The following ROBO1 variants were observed in gnomAD, a reference collection of about 807,000 sequenced individuals.
ROBO1 encodes the protein roundabout guidance receptor 1.
Under a neutral mutation model 195.9 loss-of-function variants are expected in ROBO1, and 149 were observed. The observed-to-expected ratio is 0.76, with a 90% confidence interval of 0.67 to 0.87. The LOEUF (loss-of-function observed/expected upper bound fraction) is 0.87. ROBO1 is among the 40% of genes least tolerant of loss of function. The pLI is 0.00. For synonymous variants in ROBO1, 816 were observed against 733.2 expected, an observed-to-expected ratio of 1.11 and a Z score of -1.82; for missense variants, 1,933 against 2,068.3, an observed-to-expected ratio of 0.93 and a Z score of 1.27.
chr3:79,166,566 T>C (rs981647578), intron 2 of ROBO1, among the ~76,000 whole-genome samples: 2 of 148,910 alleles, frequency 1.3e-5, no homozygotes, highest in East Asian at 1.9e-4. Context: ...TTTTCTTTTT[T>C]TTTTTTTTTT....
chr3:79,289,455 T>A (rs1349096975), intron 2 of ROBO1, among the ~76,000 whole-genome samples: 1 of 152,176 alleles, frequency 6.6e-6, no homozygotes, highest in Non-Finnish European at 1.5e-5. Flanking sequence ...GGAGGCAAAG[T>A]AAACTTTTAA....
chr3:79,217,017 T>G (rs781718447), intron 2 of ROBO1, among the ~76,000 whole-genome samples: 2 of 152,104 alleles, frequency 1.3e-5, no homozygotes, highest in Admixed American at 1.3e-4. Flanking sequence ...AAATTATTAA[T>G]GTAATGTAGA....
chr3:78,980,294 C>A (rs574986916), intron 3 of ROBO1, among the ~76,000 whole-genome samples: 10 of 152,204 alleles, frequency 6.6e-5, no homozygotes, highest in African/African-American at 2.4e-4. Flanking sequence ...CCACTCCTTG[C>A]CTCCTGTCCC....
At chr3:78,761,511 A>G (rs1328295222) in intron 4 of ROBO1, among the ~76,000 whole-genome samples, 1 of 152,204 alleles carries the variant, frequency 6.6e-6, no homozygotes, top group East Asian at 1.9e-4. Flanking sequence ...GAACTTAGTT[A>G]TAAGTCATTA....
intron 2 of ROBO1, among the ~76,000 whole-genome samples, chr3:79,370,613 C>T (rs899112414): frequency 2.6e-5 from 4 of 151,134 alleles, no homozygotes; most frequent in African/African-American, 9.7e-5. Context: ...TTTACTTCTT[C>T]AACAGGGTGT....
chr3:78,854,291 T>C (rs1224673109), intron 4 of ROBO1, among the ~76,000 whole-genome samples: 5 of 147,432 alleles, frequency 3.4e-5, no homozygotes, highest in Non-Finnish European at 5.9e-5. Flanking sequence ...TGATGTATTA[T>C]ATATAAAACT....
intron 1 of ROBO1, among the ~76,000 whole-genome samples, chr3:79,718,765 C>T (rs1576278321): frequency 6.6e-6 from 1 of 151,916 alleles, no homozygotes; most frequent in Non-Finnish European, 1.5e-5. Context: ...ATAAAAAGAA[C>T]ATGTGGCATT....
chr3:79,415,216 C>T (rs1306579805), intron 2 of ROBO1, among the ~76,000 whole-genome samples: 1 of 152,148 alleles, frequency 6.6e-6, no homozygotes, highest in Non-Finnish European at 1.5e-5. Flanking sequence ...TGTAGAACAA[C>T]TGCAAGGAAT....
intron 4 of ROBO1, among the ~76,000 whole-genome samples, chr3:78,768,254 G>A (rs1289257945): frequency 6.6e-6 from 1 of 151,448 alleles, no homozygotes; most frequent in African/African-American, 2.4e-5. Context: ...TGGGGGGTGG[G>A]GTGGAGTCGA....
intron 2 of ROBO1, among the ~76,000 whole-genome samples, chr3:79,317,739 G>A (rs1486788307): frequency 6.6e-6 from 1 of 151,954 alleles, no homozygotes; most frequent in African/African-American, 2.4e-5. Flanking sequence ...TTTTGAAATA[G>A]TTCTTCCCTC....
chr3:78,856,308 A>C (rs915724221), intron 4 of ROBO1, among the ~76,000 whole-genome samples: 2 of 147,766 alleles, frequency 1.4e-5, no homozygotes, highest in African/African-American at 5.3e-5. Context: ...AAAAAAAAAA[A>C]CAGTATGAGA....
At chr3:79,659,621 A>C (rs959868218) in intron 1 of ROBO1, among the ~76,000 whole-genome samples, 3 of 149,968 alleles carry the variant, frequency 2.0e-5, no homozygotes, top group African/African-American at 2.5e-5. Flanking sequence ...GAAAAAAAAA[A>C]CACAATATTT....
At chr3:79,525,463 T>C (rs1941389778) in intron 2 of ROBO1, among the ~76,000 whole-genome samples, 1 of 149,062 alleles carries the variant, frequency 6.7e-6, no homozygotes, top group South Asian at 2.1e-4. Context: ...GACAATTTTC[T>C]ATGTGGATAA....
At chr3:79,232,695 A>G (rs1325931786) in intron 2 of ROBO1, among the ~76,000 whole-genome samples, 1 of 152,154 alleles carries the variant, frequency 6.6e-6, no homozygotes, top group African/African-American at 2.4e-5. Context: ...TAGTGGCATA[A>G]TATCTTCAAA....
intron 4 of ROBO1, among the ~76,000 whole-genome samples, chr3:78,819,232 A>G (rs1313033561): frequency 6.6e-6 from 1 of 152,100 alleles, no homozygotes; most frequent in African/African-American, 2.4e-5. Context: ...TTTGATGCAC[A>G]TACGATTCTA....
chr3:78,643,789 C>T (rs1407454967), intron 21 of ROBO1, among the ~76,000 whole-genome samples: 4 of 151,958 alleles, frequency 2.6e-5, no homozygotes, highest in African/African-American at 7.3e-5. Flanking sequence ...GGAAATAATG[C>T]TAATGAAGGT....
intron 2 of ROBO1, among the ~76,000 whole-genome samples, chr3:79,144,818 A>G (rs1395886640): frequency 6.6e-6 from 1 of 152,036 alleles, no homozygotes; most frequent in Non-Finnish European, 1.5e-5. Flanking sequence ...TGCAAGATCC[A>G]TCAGACGGAA....
intron 2 of ROBO1, among the ~76,000 whole-genome samples, chr3:79,505,982 C>G (rs1940370254): frequency 6.6e-6 from 1 of 152,020 alleles, no homozygotes; most frequent in Non-Finnish European, 1.5e-5. Flanking sequence ...GGAAGAGCAA[C>G]TAACTGAAGT....
intron 2 of ROBO1, among the ~76,000 whole-genome samples, chr3:79,569,645 A>G (rs897873064): frequency 2.1e-5 from 3 of 142,138 alleles, no homozygotes; most frequent in Non-Finnish European, 3.0e-5. Context: ...ATGTATAGAT[A>G]TGTGTGTGTG....
Sources: allele counts gnomAD v4.1 joint callset (sites outside exome capture counted in the v4.1 genomes callset), GRCh38; gene constraint gnomAD v4.1.1; transcripts MANE v1.5; gene names NCBI Gene and HGNC (gene_info 2026-07-23, HGNC 2026-07-21).